Variants in FARP1 observed in about 807,000 individuals in gnomAD.
The protein encoded by FARP1 is FERM, ARHGEF and pleckstrin domain-containing protein 1.
A neutral mutation model predicts 128.8 loss-of-function variants in FARP1; 52 were observed. That is an observed-to-expected ratio of 0.40 (90% confidence interval 0.32 to 0.51). FARP1 has a LOEUF of 0.51. Ranked by LOEUF, FARP1 falls within the 20% of genes least tolerant of loss-of-function variation. The probability of loss-of-function intolerance (pLI) is 0.45; values close to 1 mark genes in which losing one functional copy is unlikely to be tolerated. For missense variants in FARP1, 1,333 were observed against 1,367.9 expected, an observed-to-expected ratio of 0.97 and a Z score of 0.40; for synonymous variants, 580 against 551.8, an observed-to-expected ratio of 1.05 and a Z score of -0.72.
intron 2 of FARP1, among the ~76,000 whole-genome samples, chr13:98,221,511 C>T (rs1445124247): frequency 6.6e-6 from 1 of 152,198 alleles, no homozygotes; most frequent in Non-Finnish European, 1.5e-5. Flanking sequence ...CCAAGCACCA[C>T]TTGGACAATT....
intron 2 of FARP1, chr13:98,332,435 A>T (rs1887549574): frequency 1.3e-5 from 2 of 152,172 alleles, no homozygotes. Context: ...GCTGGAGCTG[A>T]AGCTCACCCC....
intron 5 of FARP1, among the ~76,000 whole-genome samples, chr13:98,374,988 G>A (rs1889519636): frequency 6.6e-6 from 1 of 152,140 alleles, no homozygotes; most frequent in Non-Finnish European, 1.5e-5. Flanking sequence ...TATTCATAAG[G>A]GATCTGCCTT....
At chr13:98,226,643 G>C (rs1220241198) in intron 2 of FARP1, among the ~76,000 whole-genome samples, 1 of 152,106 alleles carries the variant, frequency 6.6e-6, no homozygotes, top group Non-Finnish European at 1.5e-5. Flanking sequence ...TGTTCTTTTG[G>C]AGCATAATGT....
chr13:98,345,041 T>C lies in FARP1; in HGVS notation c.276+1175T>C, dbSNP rs374471988. Among the ~76,000 whole-genome samples, 10 of 152,326 alleles carry C rather than the reference T, an allele frequency of 6.6e-5. No individual in the cohort carries two copies. The East Asian group carries it at 1.9e-3, about 29-fold the overall frequency. ...AGCAAGAAGTAGTTACGGTTTCCAT[T>C]CACTAGGCACACACAGCTTCTGAAG... On this transcript the variant is annotated intron_variant, in intron 3 of 26. Transcript: ENST00000319562.
intron 2 of FARP1, among the ~76,000 whole-genome samples, chr13:98,262,473 G>GT (rs1883930779): frequency 6.6e-6 from 1 of 152,100 alleles, no homozygotes; most frequent in Non-Finnish European, 1.5e-5. Flanking sequence ...GTGATCATGT[G>GT]TTTTTCTATT....
At chr13:98,435,787 A>AG (rs1491528439) in intron 19 of FARP1, 81 bp downstream of exon 19, 1 of 1,464,076 alleles carries the variant, frequency 6.8e-7, no homozygotes, top group East Asian at 2.3e-5. Context: ...AACCTTTTGA[A>AG]GAGAGACCCT....
At chr13:98,320,692 C>T (rs1886951805) in intron 2 of FARP1, among the ~76,000 whole-genome samples, 1 of 152,148 alleles carries the variant, frequency 6.6e-6, no homozygotes, top group Non-Finnish European at 1.5e-5. Flanking sequence ...TTATTCTGAA[C>T]ACCTCCAACA....
chr13:98,154,644 T>G (rs1267278474), intron 1 of FARP1, among the ~76,000 whole-genome samples: 1 of 152,186 alleles, frequency 6.6e-6, no homozygotes, highest in East Asian at 1.9e-4. Context: ...TAGGTTTAAT[T>G]CCAGTAACTA....
chr13:98,285,373 A>G (rs186487253), intron 2 of FARP1, among the ~76,000 whole-genome samples: 2 of 152,154 alleles, frequency 1.3e-5, no homozygotes, highest in African/African-American at 2.4e-5. Flanking sequence ...TTTTTCTCCT[A>G]ATCTCCTCAT....
chr13:98,244,667 C>G, intron 2 of FARP1: 1 of 1,614,204 alleles, frequency 6.2e-7, no homozygotes. Context: ...GAAGTAGAAG[C>G]TTAGCGGTCA....
intron 3 of FARP1, among the ~76,000 whole-genome samples, chr13:98,347,085 G>A (rs1888208876): frequency 6.6e-6 from 1 of 152,204 alleles, no homozygotes; most frequent in African/African-American, 2.4e-5. Context: ...CTGAGGAAGA[G>A]CATCTCACCT....
intron 1 of FARP1, among the ~76,000 whole-genome samples, chr13:98,153,522 T>G (rs1280432378): frequency 6.1e-5 from 1 of 16,440 alleles, no homozygotes; most frequent in Non-Finnish European, 6.3e-4. Context: ...TATATATTTA[T>G]ATATATATTA....
intron 2 of FARP1, among the ~76,000 whole-genome samples, chr13:98,240,943 A>G (rs1882733327): frequency 6.6e-6 from 1 of 152,210 alleles, no homozygotes; most frequent in Admixed American, 6.5e-5. Flanking sequence ...CAAGATCTGA[A>G]GCTGCTGTTT....
chr13:98,267,035 G>GA, intron 2 of FARP1, among the ~76,000 whole-genome samples: 1 of 110,052 alleles, frequency 9.1e-6, no homozygotes, highest in Non-Finnish European at 1.9e-5. Context: ...AAAAAAAAAA[G>GA]GGGTGGTATA....
At position 98,216,240 on chromosome 13, in the gene FARP1, C is replaced by T. The variant is rs115859650; in HGVS notation, c.171+2827C>T. On this transcript the variant is annotated intron_variant, in intron 2 of 26. Coordinates refer to ENST00000319562, the MANE Select transcript of FARP1 (RefSeq NM_005766.4). Reference sequence around the variant, plus strand: ...ACCTCATGCTGTTTAAGAGCAGCCACGGCCAGGCCAGCAGCAGCTGAAAGG... The same window carrying T: ...ACCTCATGCTGTTTAAGAGCAGCCATGGCCAGGCCAGCAGCAGCTGAAAGG... 6.6e-3 allele frequency among the ~76,000 whole-genome samples: 1,009 copies of T among 152,294 alleles called. 16 individuals carry two copies. The highest frequency in any genetic ancestry group is 0.023 in the African/African-American group (949 of 41,558).
intron 24 of FARP1, among the ~76,000 whole-genome samples, chr13:98,443,747 G>A (rs1324878773): frequency 2.6e-5 from 4 of 152,260 alleles, no homozygotes; most frequent in Non-Finnish European, 5.9e-5. Flanking sequence ...AGCCAGTGAA[G>A]GGCCAGAGGC....
chr13:98,310,823 G>A (rs1284848432), intron 2 of FARP1, among the ~76,000 whole-genome samples: 1 of 152,196 alleles, frequency 6.6e-6, no homozygotes, highest in Non-Finnish European at 1.5e-5. Context: ...TTTCCTGTTG[G>A]AGATGAATCT....
intron 2 of FARP1, among the ~76,000 whole-genome samples, chr13:98,290,054 C>CTT (rs57453120): frequency 0.016 from 2,127 of 136,224 alleles, 18 homozygotes; most frequent in South Asian, 0.034. Context: ...GGAGATTTAT[C>CTT]TTTTTTTTTT....
chr13:98,412,041 A>G lies in FARP1; in HGVS notation c.1826+7A>G. ...AGCAACGACTTGCCCTGTGGTGAGTACATTTCTACTTCCCAGCTACGTTCC... is the reference window on the plus strand; with the variant it reads ...AGCAACGACTTGCCCTGTGGTGAGTGCATTTCTACTTCCCAGCTACGTTCC... On this transcript the variant is annotated splice_region_variant and intron_variant, in intron 16 of 26. Coordinates refer to ENST00000319562, the MANE Select transcript of FARP1 (RefSeq NM_005766.4). The G allele has an allele frequency of 6.2e-7, 1 of 1,612,874 alleles. No individual in the cohort carries two copies. Among genetic ancestry groups the G allele is most frequent in the Non-Finnish European group, 8.5e-7 (1 of 1,179,358 alleles).
Sources: allele counts gnomAD v4.1 joint callset (sites outside exome capture counted in the v4.1 genomes callset), GRCh38; gene constraint gnomAD v4.1.1; transcripts MANE v1.5; gene names NCBI Gene and HGNC (gene_info 2026-07-23, HGNC 2026-07-21).